Variants in RAB31 observed in about 807,000 individuals in gnomAD.
RAB31 encodes the protein RAB31, member RAS oncogene family, also known as ras-related protein Rab-31.
RAB31 carries 21 observed loss-of-function variants against 25.6 expected under a neutral mutation model. The observed-to-expected ratio is 0.82, with a 90% CI of 0.58 to 1.18. RAB31 has a LOEUF of 1.18. Ranked by LOEUF, RAB31 falls within the 50% of genes most tolerant of loss-of-function variation. The pLI, the probability that RAB31 is intolerant of heterozygous loss-of-function variation, is 0.00. For missense variants in RAB31, 196 were observed against 250.1 expected (o/e 0.78, Z 1.46); for synonymous variants, 87 against 84.0 (o/e 1.04, Z -0.20).
chr18:9,759,099 CAGACATG>C (rs2145482457), intron 1 of RAB31, among the ~76,000 whole-genome samples: 1 of 152,178 alleles, frequency 6.6e-6, no homozygotes, highest in Non-Finnish European at 1.5e-5. Context: ...AATAGACGTT[CAGACATG>C]AGGAAGGTGG....
At chr18:9,821,850 T>G (rs1434299574) in intron 5 of RAB31, among the ~76,000 whole-genome samples, 2 of 152,156 alleles carry the variant, frequency 1.3e-5, no homozygotes, top group Non-Finnish European at 2.9e-5. Context: ...TGTTTATGAA[T>G]TGAAAGTCTC....
intron 4 of RAB31, 134 bp from the exon 5 acceptor site, chr18:9,814,982 A>T: frequency 1.7e-6 from 1 of 599,274 alleles, no homozygotes; most frequent in Non-Finnish European, 2.9e-6. Context: ...GCCTAGACAG[A>T]GGTAGTATGT....
intron 3 of RAB31, among the ~76,000 whole-genome samples, chr18:9,812,893 C>T (rs895926247): frequency 1.3e-5 from 2 of 151,856 alleles, no homozygotes; most frequent in Non-Finnish European, 2.9e-5. Context: ...AGACGGGTTT[C>T]ACCATATTGG....
chr18:9,750,362 C>T (rs1051099579), intron 1 of RAB31, among the ~76,000 whole-genome samples: 38 of 152,200 alleles, frequency 2.5e-4, no homozygotes, highest in Admixed American at 8.5e-4. Context: ...TTCTTGGCCG[C>T]TGCCAATACA....
chr18:9,769,497 T>C (rs2068333310), intron 1 of RAB31, among the ~76,000 whole-genome samples: 2 of 151,930 alleles, frequency 1.3e-5, no homozygotes, highest in Non-Finnish European at 2.9e-5. Flanking sequence ...CTCTCTATTA[T>C]TGGTGTATAA....
intron 1 of RAB31, among the ~76,000 whole-genome samples, chr18:9,739,989 G>A (rs1032409838): frequency 1.3e-5 from 2 of 152,168 alleles, no homozygotes; most frequent in African/African-American, 2.4e-5. Flanking sequence ...GTCTTCCTTG[G>A]CTAGAGCTTT....
chr18:9,773,212 C>T (rs759915075), intron 1 of RAB31, among the ~76,000 whole-genome samples: 2 of 152,096 alleles, frequency 1.3e-5, no homozygotes, highest in African/African-American at 2.4e-5. Context: ...GAATTGTCCC[C>T]CAAACACAGG....
At chr18:9,715,924 C>T (rs1302412494) in intron 1 of RAB31, among the ~76,000 whole-genome samples, 2 of 152,158 alleles carry the variant, frequency 1.3e-5, no homozygotes, top group African/African-American at 2.4e-5. Context: ...ACAAATACTT[C>T]AGTATGTGTC....
At chr18:9,843,416 C>T (rs183153787) in intron 5 of RAB31, among the ~76,000 whole-genome samples, 35 of 151,816 alleles carry the variant, frequency 2.3e-4, no homozygotes, top group African/African-American at 8.5e-4. Flanking sequence ...TGTGGTGGTG[C>T]GCACCTGTAA....
chr18:9,839,421 C>T (rs537422867), intron 5 of RAB31, among the ~76,000 whole-genome samples: 1 of 152,238 alleles, frequency 6.6e-6, no homozygotes, highest in East Asian at 1.9e-4. Context: ...TTGGTAGATT[C>T]GCAGTTTGAA....
At chr18:9,746,369 A>G (rs1356448779) in intron 1 of RAB31, among the ~76,000 whole-genome samples, 1 of 148,464 alleles carries the variant, frequency 6.7e-6, no homozygotes, top group Non-Finnish European at 1.5e-5. Flanking sequence ...ATTCAATGCA[A>G]TATCTATCAA....
rs1325438773 is a variant in RAB31 at position 9,861,505 on chromosome 18, T to C, written c.*2180T>C. On this transcript the variant is annotated 3_prime_UTR_variant, in exon 7 of 7. Coordinates refer to ENST00000578921, the MANE Select transcript of RAB31 (RefSeq NM_006868.4). ...AGTCAGTGAAGAGAGTAGATCACAC[T>C]TGGGCACACCAGGATTCACATAAAC... The C allele has an allele frequency of 6.6e-6, 1 of 152,186 alleles. No individual in the cohort carries two copies. The highest frequency in any genetic ancestry group is 1.5e-5 in the Non-Finnish European group (1 of 68,050). 9.4% of individuals were successfully genotyped at this position (152,186 alleles called of 1,614,324 possible). A position where few individuals can be genotyped will look rare whatever the true frequency, so the allele number is the denominator to read the frequency against.
At chr18:9,727,848 A>T (rs2068103018) in intron 1 of RAB31, among the ~76,000 whole-genome samples, 1 of 152,222 alleles carries the variant, frequency 6.6e-6, no homozygotes. Context: ...TGATGTTTTG[A>T]TTGTATACAT....
chr18:9,768,561 CGTTT>C (rs1275158808), intron 1 of RAB31, among the ~76,000 whole-genome samples: 4 of 151,230 alleles, frequency 2.6e-5, no homozygotes, highest in African/African-American at 9.7e-5. Context: ...TTTTCTTGTA[CGTTT>C]GTTTAAGTTC....
chr18:9,744,891 T>C (rs1379143190), intron 1 of RAB31, among the ~76,000 whole-genome samples: 6 of 151,938 alleles, frequency 3.9e-5, no homozygotes, highest in African/African-American at 1.5e-4. Flanking sequence ...AATAACCCAA[T>C]TTTACAACAT....
At chr18:9,839,546 C>T (rs944788352) in intron 5 of RAB31, among the ~76,000 whole-genome samples, 1 of 151,670 alleles carries the variant, frequency 6.6e-6, no homozygotes, top group Non-Finnish European at 1.5e-5. Flanking sequence ...AGCGGATTGG[C>T]AGTGAGGCTG....
intron 3 of RAB31, among the ~76,000 whole-genome samples, chr18:9,795,716 C>G (rs942727576): frequency 6.6e-6 from 1 of 152,146 alleles, no homozygotes; most frequent in East Asian, 1.9e-4. Flanking sequence ...CGACTATAAT[C>G]AAAAAATCAA....
rs2068703856 is a variant in RAB31 at position 9,836,311 on chromosome 18, A to T, written c.381-9271A>T. Among the ~76,000 whole-genome samples the T allele has an allele frequency of 2.0e-5, 3 of 152,326 alleles. No individual in the cohort carries two copies. In the South Asian group the frequency reaches 6.2e-4, roughly 32 times the overall value. On this transcript the variant is annotated intron_variant, in intron 5 of 6. Transcript: ENST00000578921. ...TTTTCTGTTACAGTATTTTAGAACTATAATATGCATGCTAGAACATGTATG... is the reference window on the plus strand; with the variant it reads ...TTTTCTGTTACAGTATTTTAGAACTTTAATATGCATGCTAGAACATGTATG...
chr18:9,843,652 T>A lies in RAB31; in HGVS notation c.381-1930T>A, dbSNP rs138097848. On this transcript the variant is annotated intron_variant, in intron 5 of 6. Coordinates refer to ENST00000578921, the MANE Select transcript of RAB31 (RefSeq NM_006868.4). ...GTAATCTTTCAAATATAAAATTCTG[T>A]TGCCAGAAAAACTCCAGCATAATCC... Among the ~76,000 whole-genome samples, 391 of 152,246 alleles carry A rather than the reference T, an allele frequency of 2.6e-3. 2 individuals are homozygous for A. The highest frequency in any genetic ancestry group is 8.6e-3 in the African/African-American group (358 of 41,546).
Sources: gnomAD v4.1 joint callset for allele counts (sites outside exome capture counted in the v4.1 genomes callset) on GRCh38, gnomAD v4.1.1 for gene constraint, MANE v1.5 for transcripts, NCBI Gene and HGNC (gene_info 2026-07-23, HGNC 2026-07-21) for gene names.